The following MYH8 variants were observed in gnomAD, a reference collection of about 807,000 sequenced individuals.
MYH8 encodes the protein myosin heavy chain 8.
MYH8 carries 168 observed loss-of-function variants against 233.2 expected under a neutral mutation model. The ratio of observed to expected loss-of-function variants is 0.72; its 90% CI spans 0.64 to 0.82. The LOEUF (loss-of-function observed/expected upper bound fraction) is 0.82. MYH8 is among the 40% of genes least tolerant of loss of function. The pLI, the probability that MYH8 is intolerant of heterozygous loss-of-function variation, is 0.00. For missense variants in MYH8, 1,995 were observed against 2,327.8 expected (o/e 0.86, Z 2.94); for synonymous variants, 785 against 850.6 (o/e 0.92, Z 1.34).
chr17:10,414,573 G>C, intron 9 of MYH8, 89 bp from the exon 10 acceptor site: 1 of 891,528 alleles, frequency 1.1e-6, no homozygotes, highest in Non-Finnish European at 1.8e-6. Flanking sequence ...CAAATTTGGA[G>C]CATTACATTT....
chr17:10,418,769 G>A lies in MYH8; in HGVS notation c.387C>T (p.Asn129=), dbSNP rs754559937. ...TGTACACCGGCAGCCACTTGTAGGG[G>A]TTGACGGTGACACAGAAGAGGCCTG... The part of the protein sequence containing the change: ...TYSGLFCVTV[N]PYKWLPVYKP... The change falls in exon 5 of 40, where the codon AAC becomes AAT. Residue 129 remains asparagine, a synonymous_variant. Coordinates refer to ENST00000403437, the MANE Select transcript of MYH8 (RefSeq NM_002472.3). 2 of 1,613,772 alleles carry A rather than the reference G, an allele frequency of 1.2e-6. No homozygotes were observed. Among genetic ancestry groups the A allele is most frequent in the South Asian group, 2.2e-5 (2 of 91,080 alleles).
Position 10,392,585 on chromosome 17 carries a change from C to T in MYH8, c.5525G>A (p.Gly1842Asp). 1 of 1,614,178 alleles carries T rather than the reference C, an allele frequency of 6.2e-7. No individual in the cohort carries two copies. The highest frequency in any genetic ancestry group is 1.6e-4 in the Middle Eastern group (1 of 6,062). ...EQKRNAEAVKGLRKHERRVKE... is the reference protein window; with the variant it reads ...EQKRNAEAVKDLRKHERRVKE... ...TACTCGTCGCTCATGTTTCCGTAAA[C>T]CTTTAACAGCCTCTGCATTACGTTT... Residue 1842 changes from glycine to aspartate, a missense_variant, in exon 38 of 40, where the codon GGT becomes GAT. Around this residue, in one of 3 missense-constraint regions of MYH8, gnomAD observed 1,498 missense variants for 1,680.9 expected, o/e 0.89. Transcript: ENST00000403437.
rs1445202853 is a variant in MYH8 at position 10,409,555 on chromosome 17, A to G, written c.1621T>C (p.Cys541Arg). Residue 541 changes from cysteine to arginine, a missense_variant, in exon 16 of 40, where the codon TGC (cysteine) becomes CGC (arginine). Transcript: ENST00000403437. ...LGIFSILEEE[C>R]MFPKATDTSF... ...GTGTCCGTTGCCTTAGGGAACATGC[A>G]CTCCTCTTCCAGGATGGAGAAGATG... 1 of 1,614,148 alleles carries G rather than the reference A, an allele frequency of 6.2e-7. No individual in the cohort carries two copies. The highest frequency in any genetic ancestry group is 1.7e-5 in the Admixed American group (1 of 60,006).
At chr17:10,401,810 T>C (rs2142176227) in intron 22 of MYH8, 25 bp from the exon 23 acceptor site, 1 of 1,614,094 alleles carries the variant, frequency 6.2e-7, no homozygotes. Context: ...ATTCAGATAC[T>C]TAGAGTCTGT....
At chr17:10,398,994 G>GTATATA (rs71365759) in intron 28 of MYH8, 108 bp from the exon 29 acceptor site, 8,054 of 312,324 alleles carry the variant, frequency 0.026, 194 homozygotes, top group Non-Finnish European at 0.031. Context: ...ATGTGTGTGT[G>GTATATA]TATATATATA....
In MYH8 at chr17:10,409,545, G is replaced by A. The variant is rs1218346694; in HGVS notation, c.1631C>T (p.Pro544Leu). ...FSILEEECMF[P>L]KATDTSFKNK... is the part of the protein sequence containing the mutation. ...CTTGAAGGAGGTGTCCGTTGCCTTA[G>A]GGAACATGCACTCCTCTTCCAGGAT... The change falls in exon 16 of 40, where the codon CCT becomes CTT. Residue 544 changes from proline (P) to leucine (L), a missense_variant. Physicochemically the swap from Pro to Leu is moderately conservative, Grantham distance 98. Transcript: ENST00000403437. 16 of 1,614,084 alleles carry A rather than the reference G, an allele frequency of 9.9e-6. No homozygotes were observed. The highest frequency in any genetic ancestry group is 1.4e-5 in the Non-Finnish European group (16 of 1,180,048).
Position 10,399,249 on chromosome 17 carries a change from C to CTGTG in MYH8, c.3862+290_3862+293dup, listed in dbSNP as rs59619326. On this transcript the variant is annotated intron_variant, in intron 28 of 39. Coordinates refer to ENST00000403437, the MANE Select transcript of MYH8 (RefSeq NM_002472.3). Reference sequence around the variant, plus strand: ...GATTTTCAGATTAGGGATACTCAACCTGTGTGTGTGTGTGTGTGTCTGTTT... The same window carrying CTGTG: ...GATTTTCAGATTAGGGATACTCAACCTGTGTGTGTGTGTGTGTGTGTGTCTGTTT... 0.55 allele frequency among the ~76,000 whole-genome samples: 81,927 copies of CTGTG among 149,638 alleles called. 22,962 individuals are homozygous for CTGTG. Among genetic ancestry groups the CTGTG allele is most frequent in the African/African-American group, 0.59 (24,136 of 40,674 alleles).
rs1319380590 is a variant in MYH8, at chr17:10,414,421, TA to T, written c.868del (p.Tyr290IlefsTer11). 1 of 1,613,684 alleles carries T rather than the reference TA, an allele frequency of 6.2e-7. No individual in the cohort carries two copies. The highest frequency in any genetic ancestry group is 8.5e-7 in the Non-Finnish European group (1 of 1,179,576). On this transcript the variant is annotated frameshift_variant, in exon 10 of 40. Transcript: ENST00000403437. LOFTEE classifies it high-confidence loss of function. ...TGGCTTCTTATTGGAAGTGATCTGATAAAAAATATGGTAGCTTCTTTCCGCC... is the reference window on the plus strand; with the variant it reads ...TGGCTTCTTATTGGAAGTGATCTGATAAAAATATGGTAGCTTCTTTCCGCC... The part of the protein sequence containing the change: ...LKAERSYHIF[Y>X]QITSNKKPDL...
chr17:10,392,709 C>A (rs2072038496), intron 37 of MYH8, 63 bp from the exon 38 acceptor site: 2 of 1,612,526 alleles, frequency 1.2e-6, no homozygotes, highest in Admixed American at 3.3e-5. Context: ...CCAAGACCTA[C>A]TGAAGGCATG....
At chr17:10,405,071 G>A (rs9902129) in intron 21 of MYH8, among the ~76,000 whole-genome samples, 2 of 152,134 alleles carry the variant, frequency 1.3e-5, no homozygotes, top group East Asian at 3.9e-4. Flanking sequence ...CGAATGATTT[G>A]TCATCTCTTC....
intron 27 of MYH8, among the ~76,000 whole-genome samples, chr17:10,400,000 G>A (rs1469451516): frequency 1.3e-5 from 2 of 152,246 alleles, no homozygotes; most frequent in East Asian, 3.9e-4. Flanking sequence ...TTAGGAGATC[G>A]AGAGCATCCT....
Position 10,408,065 on chromosome 17 carries a change from C to T in MYH8, c.1965+1032G>A, listed in dbSNP as rs372156557. On this transcript the variant is annotated intron_variant, in intron 17 of 39. Coordinates refer to ENST00000403437, the MANE Select transcript of MYH8 (RefSeq NM_002472.3). ...AAGCGATTCTTCTGCCTCAGCCTCC[C>T]GAGTAGCTGGGACTATAGGCGTGCA... Among the ~76,000 whole-genome samples, 39 of 151,550 alleles carry T rather than the reference C, an allele frequency of 2.6e-4. 2 individuals are homozygous for T. The South Asian group carries it at 6.5e-3, about 25-fold the overall frequency.
At chr17:10,394,160 C>A (rs2072057593) in intron 35 of MYH8, 89 bp downstream of exon 35, 53 of 1,522,736 alleles carry the variant, frequency 3.5e-5, no homozygotes, top group Non-Finnish European at 4.8e-5. Flanking sequence ...TTTACATACA[C>A]ATATTTATAC....
Position 10,391,900 on chromosome 17 carries a change from C to A in MYH8, c.5646G>T (p.Lys1882Asn). The A allele has an allele frequency of 6.2e-7, 1 of 1,614,028 alleles. No individual in the cohort carries two copies. The highest frequency in any genetic ancestry group is 1.7e-5 in the Admixed American group (1 of 60,030). The change falls in exon 39 of 40, where the codon AAG becomes AAT. Residue 1882 changes from lysine to asparagine, a missense_variant. By Grantham distance (94) the Lys-to-Asn change is moderately conservative. This residue lies in a region of MYH8 where 1,498 missense variants were observed against 1,680.9 expected (regional missense o/e 0.89). Coordinates refer to ENST00000403437, the MANE Select transcript of MYH8 (RefSeq NM_002472.3). ...TACTTACAGCCTCCTCAGCTTGTCT[C>A]TTGTATGATTTCACCTTCGCCTGTA... ...DKLQAKVKSYKRQAEEAEEQS... is the reference protein window; with the variant it reads ...DKLQAKVKSYNRQAEEAEEQS...
In MYH8 at chr17:10,400,732, G is replaced by A. The variant is rs989352736; in HGVS notation, c.3393C>T (p.Ser1131=). ...AGCGCTGCTTCTCCGCTTTGGCTCG[G>A]GACGCCCTCTCTGCCTCGATTTCTT... The part of the protein sequence containing the change: ...LGEEIEAERA[S]RAKAEKQRSD... Residue 1131 remains serine, a synonymous_variant, in exon 27 of 40, where the codon TCC becomes TCT. Transcript: ENST00000403437. The surrounding 1 kb of genome is among the most constrained non-coding windows in gnomAD (Gnocchi z 4.0). 16 of 1,614,026 alleles carry A rather than the reference G, an allele frequency of 9.9e-6. No homozygotes were observed. The highest frequency in any genetic ancestry group is 1.4e-5 in the Non-Finnish European group (16 of 1,180,054).
intron 22 of MYH8, among the ~76,000 whole-genome samples, chr17:10,402,851 A>G (rs991189019): frequency 6.6e-6 from 1 of 152,118 alleles, no homozygotes; most frequent in Non-Finnish European, 1.5e-5. Context: ...TTGTGGTTTC[A>G]TTGTTTCATT....
chr17:10,406,989 C>T lies in MYH8; in HGVS notation c.1966-10G>A. On this transcript the variant is annotated splice_polypyrimidine_tract_variant and intron_variant, in intron 17 of 39. Transcript: ENST00000403437. ...ATTTATTTAAATTTTCCTAGAAAAC[C>T]AGACAGAAAGGACTTGATGAAAAAG... 1.2e-6 allele frequency: 2 copies of T among 1,608,588 alleles called. No individual in the cohort carries two copies. The highest frequency in any genetic ancestry group is 1.7e-6 in the Non-Finnish European group (2 of 1,175,014).
chr17:10,394,247 AC>A lies in MYH8; in HGVS notation c.5166+1del. 6.2e-7 allele frequency: 1 copy of A among 1,613,886 alleles called. No homozygotes were observed. The highest frequency in any genetic ancestry group is 1.1e-5 in the South Asian group (1 of 91,064). Reference sequence around the variant, plus strand: ...AGCATTTGTTTGATGTGAGGGTCTCACCTGGGTGTGGAGGAGCTGGACACGC... The same window carrying A: ...AGCATTTGTTTGATGTGAGGGTCTCACTGGGTGTGGAGGAGCTGGACACGC... On this transcript the variant is annotated splice_donor_variant, in intron 35 of 39. Transcript: ENST00000403437. LOFTEE classifies it high-confidence loss of function.
Position 10,390,591 on chromosome 17 carries a change from T to C in MYH8, c.5677A>G (p.Asn1893Asp). Reference protein sequence around the residue: ...RQAEEAEEQSNANLSKFRKLQ... With the variant: ...RQAEEAEEQSDANLSKFRKLQ... Reference sequence around the variant, plus strand: ...TTGCGGAATTTAGATAGATTAGCATTGGATTGTTCCTCCTAAGAATAGAGA... The same window carrying C: ...TTGCGGAATTTAGATAGATTAGCATCGGATTGTTCCTCCTAAGAATAGAGA... The change falls in exon 40 of 40, where the codon AAT becomes GAT. Residue 1893 changes from asparagine (N) to aspartate (D), a missense_variant. Around this residue, in one of 3 missense-constraint regions of MYH8, gnomAD observed 1,498 missense variants for 1,680.9 expected, o/e 0.89. Transcript: ENST00000403437. 1 of 1,614,158 alleles carries C rather than the reference T, an allele frequency of 6.2e-7. No individual in the cohort carries two copies. The highest frequency in any genetic ancestry group is 8.5e-7 in the Non-Finnish European group (1 of 1,179,972).
Sources: gnomAD v4.1 joint callset for allele counts (sites outside exome capture counted in the v4.1 genomes callset) on GRCh38, gnomAD v4.1.1 for gene constraint, gnomAD v4.1.1 regional missense constraint, Gnocchi (gnomAD v3.1) non-coding constraint, MANE v1.5 for transcripts, NCBI Gene and HGNC (gene_info 2026-07-23, HGNC 2026-07-21) for gene names.